Variants in GLUD1 observed in about 807,000 individuals in gnomAD.
The protein encoded by GLUD1 is glutamate dehydrogenase 1, also known as glutamate dehydrogenase 1, mitochondrial.
Under a neutral mutation model 56.0 loss-of-function variants are expected in GLUD1, and 22 were observed. The observed-to-expected ratio is 0.39, with a 90% confidence interval of 0.28 to 0.56. The LOEUF (loss-of-function observed/expected upper bound fraction) is 0.56, where lower values mean the gene tolerates loss of function less well. Ranked by LOEUF, GLUD1 falls within the 20% of genes least tolerant of loss-of-function variation. GLUD1 has a pLI of 0.58. For synonymous variants in GLUD1, 223 were observed against 269.9 expected, an observed-to-expected ratio of 0.83 and a Z score of 1.70; for missense variants, 451 against 732.0, an observed-to-expected ratio of 0.62 and a Z score of 4.43.
Position 87,083,392 on chromosome 10 carries a change from G to A in GLUD1, c.446-6736C>T, listed in dbSNP as rs561764769. 7.7e-4 allele frequency among the ~76,000 whole-genome samples: 117 copies of A among 152,116 alleles called. No individual in the cohort carries two copies. The Middle Eastern group carries it at 0.02, about 27-fold the overall frequency. On this transcript the variant is annotated intron_variant, in intron 1 of 12. Coordinates refer to ENST00000277865, the MANE Select transcript of GLUD1 (RefSeq NM_005271.5). ...CTAGCACTTTTGAATGCCTACTCTCGTTCAAATATACTCAATTTGAAGTTG... is the reference window on the plus strand; with the variant it reads ...CTAGCACTTTTGAATGCCTACTCTCATTCAAATATACTCAATTTGAAGTTG...
Position 87,061,012 on chromosome 10 carries a change from T to C in GLUD1, c.962A>G (p.His321Arg), listed in dbSNP as rs774880917. The change falls in exon 7 of 13, where the codon CAT becomes CGT. Residue 321 changes from histidine (H) to arginine (R), a missense_variant. Around this residue, in one of 4 missense-constraint regions of GLUD1, gnomAD observed 248 missense variants for 460.0 expected, o/e 0.54. Transcript: ENST00000277865. ...AGCAATACATTTAGCACCAAAACGA[T>C]GTAAATATCTCATAGAGTGTAGGCC... is the stretch of plus-strand genomic sequence containing the variant. ...NVGLHSMRYL[H>R]RFGAKCIAVG... The C allele has an allele frequency of 2.5e-6, 4 of 1,613,718 alleles. No individual in the cohort carries two copies. Among genetic ancestry groups the C allele is most frequent in the Non-Finnish European group, 2.5e-6 (3 of 1,179,738 alleles).
chr10:87,070,579 C>G (rs1218106219), intron 4 of GLUD1, among the ~76,000 whole-genome samples: 2 of 152,038 alleles, frequency 1.3e-5, no homozygotes, highest in East Asian at 3.9e-4. Context: ...AGCCTGGTGA[C>G]AGAGCGAGAC....
chr10:87,057,465 G>T (rs1319942760), intron 11 of GLUD1, among the ~76,000 whole-genome samples: 1 of 152,152 alleles, frequency 6.6e-6, no homozygotes, highest in African/African-American at 2.4e-5. Context: ...ACACGTGCGT[G>T]AAAAATACCA....
rs753567322 is a variant in GLUD1 at position 87,094,592 on chromosome 10, G to T, written c.178C>A (p.Arg60Ser). 7 of 1,611,240 alleles carry T rather than the reference G, an allele frequency of 4.3e-6. No homozygotes were observed. The highest frequency in any genetic ancestry group is 4.0e-5 in the African/African-American group (3 of 74,968). ...TTGAAGAAGTTGGGGTCGTCCTCGC[G>T]GTCGGCCACCGCCTCGCTGTAGTGG... is the stretch of plus-strand genomic sequence containing the variant. ...RRHYSEAVAD[R>S]EDDPNFFKMV... The change falls in exon 1 of 13, where the codon CGC becomes AGC. Residue 60 changes from arginine to serine, a missense_variant. Physicochemically the swap from Arg to Ser is moderately radical, Grantham distance 110 (BLOSUM62 -1). Transcript: ENST00000277865. This position sits in a 1 kb window ranked among gnomAD's most constrained non-coding sequence, Gnocchi z 6.6.
In GLUD1 at chr10:87,062,783, A is replaced by G; in HGVS notation, c.794T>C (p.Ile265Thr). 6.2e-7 allele frequency: 1 copy of G among 1,614,198 alleles called. No homozygotes were observed. Among genetic ancestry groups the G allele is most frequent in the Non-Finnish European group, 8.5e-7 (1 of 1,180,040 alleles). Residue 265 changes from isoleucine (I) to threonine (T), a missense_variant, in exon 6 of 13, where the codon ATC becomes ACC. Physicochemically the swap from Ile to Thr is moderately conservative, Grantham distance 89. Around this residue, in one of 4 missense-constraint regions of GLUD1, gnomAD observed 248 missense variants for 460.0 expected, o/e 0.54. Transcript: ENST00000277865. ...VTGKPISQGG[I>T]HGRISATGRG... ...GCCAGTAGCAGAGATGCGTCCATGG[A>G]TTCCCCCTTGGCTGATGGGTTTACC...
chr10:87,074,485 C>T, intron 4 of GLUD1, 66 bp downstream of exon 4: 1 of 863,022 alleles, frequency 1.2e-6, no homozygotes, highest in East Asian at 2.4e-5. Context: ...GAGACTCCGT[C>T]TCAAAAAAAA....
chr10:87,057,890 A>C lies in GLUD1; in HGVS notation c.1403-108T>G, dbSNP rs966117075. 2.3e-5 allele frequency: 16 copies of C among 691,244 alleles called. No homozygotes were observed. The East Asian group carries it at 4.4e-4, about 19-fold the overall frequency. 42.8% of individuals were successfully genotyped at this position (691,244 alleles called of 1,614,324 possible). On this transcript the variant is annotated intron_variant, in intron 10 of 12. Coordinates refer to ENST00000277865, the MANE Select transcript of GLUD1 (RefSeq NM_005271.5). ...AACTGTAACCCAAAAACTTATACAG[A>C]CAGAGTCGTGGTCTGTCACCCAGGC...
intron 1 of GLUD1, among the ~76,000 whole-genome samples, chr10:87,085,254 G>A (rs774420852): frequency 1.3e-5 from 2 of 151,102 alleles, no homozygotes; most frequent in Non-Finnish European, 2.9e-5. Flanking sequence ...GCTGAGGCAG[G>A]AGAATCGCTT....
rs563124216 is a variant in GLUD1 at position 87,094,793 on chromosome 10, G to C, written c.-24C>G. On this transcript the variant is annotated 5_prime_UTR_variant, in exon 1 of 13. Transcript: ENST00000277865. This position sits in a 1 kb window ranked among gnomAD's most constrained non-coding sequence, Gnocchi z 6.6. ...ATGGCCACAAGCGGAGGGGAGGTGC[G>C]TGATGGTCGCGAAACAGGCGCGCTT... is the stretch of plus-strand genomic sequence containing the variant. The C allele has an allele frequency of 1.1e-4, 160 of 1,516,082 alleles. No homozygotes were observed. In the African/African-American group the frequency reaches 2.0e-3, roughly 19 times the overall value. The allele number at this position is 1,516,082 out of a possible 1,614,324, so 93.9% of individuals were successfully genotyped here. A position where few individuals can be genotyped will look rare whatever the true frequency, so the allele number is the denominator to read the frequency against.
chr10:87,067,552 T>C (rs550364620), intron 5 of GLUD1, among the ~76,000 whole-genome samples: 32 of 152,354 alleles, frequency 2.1e-4, no homozygotes, highest in African/African-American at 7.0e-4. Context: ...ATTACCTTTA[T>C]AAATATGCCT....
intron 10 of GLUD1, among the ~76,000 whole-genome samples, chr10:87,058,209 AACTC>A (rs1425622616): frequency 6.6e-6 from 1 of 152,188 alleles, no homozygotes; most frequent in East Asian, 1.9e-4. Flanking sequence ...AATCATTTAA[AACTC>A]AGTCAGGAAG....
chr10:87,078,117 TA>T (rs1258245991), intron 1 of GLUD1, among the ~76,000 whole-genome samples: 15 of 152,216 alleles, frequency 9.9e-5, no homozygotes, highest in Non-Finnish European at 2.1e-4. Flanking sequence ...GAGCATATTC[TA>T]AGCTGAACAT....
chr10:87,084,564 C>CAT (rs1028223409), intron 1 of GLUD1, among the ~76,000 whole-genome samples: 1 of 151,708 alleles, frequency 6.6e-6, no homozygotes, highest in East Asian at 1.9e-4. Context: ...CAAAAGCAAA[C>CAT]ACAAAAGCCT....
chr10:87,088,330 AT>A (rs1841434750), intron 1 of GLUD1, among the ~76,000 whole-genome samples: 1 of 152,188 alleles, frequency 6.6e-6, no homozygotes, highest in Non-Finnish European at 1.5e-5. Context: ...ATTCCAAGAA[AT>A]AAAAAAATTC....
At chr10:87,073,038 C>G (rs113843432) in intron 4 of GLUD1, among the ~76,000 whole-genome samples, 10,619 of 152,294 alleles carry the variant, frequency 0.07, 820 homozygotes, top group African/African-American at 0.2. Flanking sequence ...CAGGCCAAAT[C>G]TAGTCAAGTT....
intron 12 of GLUD1, 49 bp from the exon 13 acceptor site, chr10:87,051,919 C>T (rs1026895875): frequency 6.2e-7 from 1 of 1,612,010 alleles, no homozygotes; most frequent in Non-Finnish European, 8.5e-7. Context: ...CTCAAGTGGC[C>T]AGGCCATAAA....
At chr10:87,087,554 A>T (rs1436379772) in intron 1 of GLUD1, among the ~76,000 whole-genome samples, 1 of 152,204 alleles carries the variant, frequency 6.6e-6, no homozygotes, top group East Asian at 1.9e-4. Context: ...AGAACAAAAG[A>T]TGCTCCTATC....
chr10:87,089,704 C>T (rs1174993106), intron 1 of GLUD1: 11 of 978,870 alleles, frequency 1.1e-5, no homozygotes, highest in Non-Finnish European at 1.3e-5. Context: ...CTTAATAAAG[C>T]CTTTCCTGCC....
chr10:87,094,634 C>G lies in GLUD1; in HGVS notation c.136G>C (p.Ala46Pro). 6.2e-7 allele frequency: 1 copy of G among 1,607,266 alleles called. No individual in the cohort carries two copies. Among genetic ancestry groups the G allele is most frequent in the Non-Finnish European group, 8.5e-7 (1 of 1,177,784 alleles). The stretch of plus-strand genomic sequence containing the variant: ...CTGTAGTGGCGCCGGGCGGCCAATG[C>G]CAGCCCCGGCTGCGGGGCGGCGGCG... ...QPAAAPQPGLALAARRHYSEA... is the reference protein window; with the variant it reads ...QPAAAPQPGLPLAARRHYSEA... The change falls in exon 1 of 13, where the codon GCA becomes CCA. Residue 46 changes from alanine to proline, a missense_variant. This residue lies in a region of GLUD1 where 158 missense variants were observed against 189.7 expected (regional missense o/e 0.83). Transcript: ENST00000277865. The surrounding 1 kb of genome is among the most constrained non-coding windows in gnomAD (Gnocchi z 6.6).
Sources: allele counts gnomAD v4.1 joint callset (sites outside exome capture counted in the v4.1 genomes callset), GRCh38; gene constraint gnomAD v4.1.1; regional missense constraint gnomAD v4.1.1; non-coding constraint Gnocchi (gnomAD v3.1); transcripts MANE v1.5; gene names NCBI Gene and HGNC (gene_info 2026-07-23, HGNC 2026-07-21).